Variants in PCDH11X observed in about 807,000 individuals in gnomAD.
The protein encoded by PCDH11X is protocadherin 11 X-linked, also known as protocadherin-11 X-linked.
In PCDH11X, 18 loss-of-function variants were observed where a neutral mutation model predicts 53.3. The ratio of observed to expected loss-of-function variants is 0.34; its 90% CI spans 0.23 to 0.50. PCDH11X has a LOEUF of 0.50. PCDH11X is among the 20% of genes least tolerant of loss of function. The pLI is 0.98. For missense variants in PCDH11X, 570 were observed against 1,032.4 expected (o/e 0.55, Z 6.14); for synonymous variants, 279 against 393.3 (o/e 0.71, Z 3.44).
chrX:92,611,421 T>G (rs2148816935), intron 10 of PCDH11X, among the ~76,000 whole-genome samples: 1 of 110,274 alleles, frequency 9.1e-6, no homozygotes, highest in East Asian at 2.8e-4. Flanking sequence ...TTCTACTGAT[T>G]TTTGCACATT....
intron 10 of PCDH11X, among the ~76,000 whole-genome samples, chrX:92,584,277 C>T (rs866186558): frequency 9.0e-6 from 1 of 110,609 alleles, no homozygotes; most frequent in Middle Eastern, 5.4e-3. Flanking sequence ...TTATGAATTT[C>T]TCAACAATAT....
chrX:91,822,171 G>A (rs1216567431), intron 4 of PCDH11X, among the ~76,000 whole-genome samples: 4 of 110,296 alleles, frequency 3.6e-5, no homozygotes, highest in Non-Finnish European at 1.9e-5. Context: ...TTTGGTATCA[G>A]AATGATGCTG....
chrX:92,263,141 A>G lies in PCDH11X; in HGVS notation c.3142A>G (p.Lys1048Glu), dbSNP rs1272670502. 1.7e-6 allele frequency: 2 copies of G among 1,180,355 alleles called. No homozygotes were observed. The highest frequency in any genetic ancestry group is 4.6e-5 in the Admixed American group (2 of 43,048). The change falls in exon 8 of 11, where the codon AAG (lysine) becomes GAG (glutamate). Residue 1048 changes from lysine (K) to glutamate (E), a missense_variant and splice_region_variant. Around this residue, in one of 6 missense-constraint regions of PCDH11X, gnomAD observed 234 missense variants for 296.1 expected, o/e 0.79. Coordinates refer to ENST00000682573, the MANE Select transcript of PCDH11X (RefSeq NM_032968.5). ...GAAATCTGAAGGGAAAGTGGCAGGA[A>G]AGGTAAGACTGCAAATTTCAAAGAA... ...QRKSEGKVAG[K>E]SQRRVTFHLP...
intron 6 of PCDH11X, among the ~76,000 whole-genome samples, chrX:91,956,535 A>T (rs1057181210): frequency 1.8e-5 from 2 of 108,222 alleles, no homozygotes; most frequent in African/African-American, 6.7e-5. Context: ...CAGATACAAA[A>T]TTCTGGGTTG....
chrX:92,201,327 A>G, intron 6 of PCDH11X, 48 bp from the exon 7 acceptor site: 1 of 1,169,377 alleles, frequency 8.6e-7, no homozygotes, highest in Non-Finnish European at 1.2e-6. Flanking sequence ...TGTGTATTTT[A>G]CTTTTAACAA....
In PCDH11X at chrX:92,521,178, C is replaced by T. The variant is rs182013927; in HGVS notation, c.3367+52856C>T. ...CAAATAATTTTCAATTTATTTTACA[C>T]AGATGTATCAGAGGAATCACAATTT... On this transcript the variant is annotated intron_variant, in intron 10 of 10. Coordinates refer to ENST00000682573, the MANE Select transcript of PCDH11X (RefSeq NM_032968.5). 2.5e-4 allele frequency among the ~76,000 whole-genome samples: 28 copies of T among 111,906 alleles called. 1 individual carries two copies. The highest frequency in any genetic ancestry group is 9.1e-4 in the African/African-American group (28 of 30,885).
Position 92,578,758 on chromosome X carries a change from A to G in PCDH11X, c.3368-39506A>G, listed in dbSNP as rs376973304. 2.8e-5 allele frequency among the ~76,000 whole-genome samples: 3 copies of G among 106,572 alleles called. No homozygotes were observed. The East Asian group carries it at 9.0e-4, about 32-fold the overall frequency. 92.5% of individuals were successfully genotyped at this position (106,572 alleles called of 115,157 possible). On this transcript the variant is annotated intron_variant, in intron 10 of 10. Coordinates refer to ENST00000682573, the MANE Select transcript of PCDH11X (RefSeq NM_032968.5). ...TAGCCCATTTACATTTAAGTTTAATATGGTTATGTATGAATTGGATCCTGT... is the reference window on the plus strand; with the variant it reads ...TAGCCCATTTACATTTAAGTTTAATGTGGTTATGTATGAATTGGATCCTGT...
chrX:91,807,876 A>G (rs983447844), intron 1 of PCDH11X, among the ~76,000 whole-genome samples: 2 of 108,756 alleles, frequency 1.8e-5, no homozygotes, highest in African/African-American at 6.7e-5. Flanking sequence ...CTTATCTGTT[A>G]GCTCTGTCGA....
chrX:91,914,026 C>A (rs1016981528), intron 6 of PCDH11X, among the ~76,000 whole-genome samples: 1 of 111,826 alleles, frequency 8.9e-6, no homozygotes, highest in Admixed American at 9.5e-5. Flanking sequence ...TCTACCAGAG[C>A]AGGTGCTGGT....
At chrX:92,204,727 G>A (rs1035058219) in intron 7 of PCDH11X, among the ~76,000 whole-genome samples, 6 of 111,919 alleles carry the variant, frequency 5.4e-5, no homozygotes, top group African/African-American at 2.0e-4. Flanking sequence ...ACCAATTTAC[G>A]GTATTAGTCC....
At chrX:92,161,538 C>A (rs2065643081) in intron 6 of PCDH11X, among the ~76,000 whole-genome samples, 1 of 110,209 alleles carries the variant, frequency 9.1e-6, no homozygotes, top group Admixed American at 9.8e-5. Flanking sequence ...GTTCTTTGAG[C>A]TTTTTGTATT....
intron 5 of PCDH11X, among the ~76,000 whole-genome samples, chrX:91,875,561 A>G (rs187086952): frequency 5.7e-4 from 62 of 109,515 alleles, no homozygotes; most frequent in African/African-American, 1.7e-3. Flanking sequence ...AAAGTGCTGG[A>G]ATTACAGGCG....
intron 8 of PCDH11X, among the ~76,000 whole-genome samples, chrX:92,342,960 C>T (rs1414010911): frequency 8.9e-6 from 1 of 112,046 alleles, no homozygotes; most frequent in Non-Finnish European, 1.9e-5. Flanking sequence ...TTGTGCTCTC[C>T]AATTGCTAAT....
At chrX:92,216,145 C>T (rs1251306622) in intron 7 of PCDH11X, among the ~76,000 whole-genome samples, 4 of 109,053 alleles carry the variant, frequency 3.7e-5, no homozygotes, top group East Asian at 2.9e-4. Context: ...AAAAGCAGAG[C>T]ACCTCTCCTC....
intron 8 of PCDH11X, among the ~76,000 whole-genome samples, chrX:92,372,721 C>G (rs1391105813): frequency 9.0e-6 from 1 of 110,678 alleles, no homozygotes; most frequent in Non-Finnish European, 1.9e-5. Flanking sequence ...TAATAATTAG[C>G]TTATCAATTG....
Position 91,899,732 on chromosome X carries a change from T to C in PCDH11X, c.3033+20459T>C, listed in dbSNP as rs1940885592. On this transcript the variant is annotated intron_variant, in intron 6 of 10. Transcript: ENST00000682573. Reference sequence around the variant, plus strand: ...GCTGATATGAAATCAATGACTCTTATGTCACATGATAAAGAAAAAAGAAAG... The same window carrying C: ...GCTGATATGAAATCAATGACTCTTACGTCACATGATAAAGAAAAAAGAAAG... 2.7e-5 allele frequency among the ~76,000 whole-genome samples: 3 copies of C among 111,286 alleles called. No homozygotes were observed. In the South Asian group the frequency reaches 1.2e-3, roughly 43 times the overall value.
chrX:92,070,453 T>A (rs2063683215), intron 6 of PCDH11X, among the ~76,000 whole-genome samples: 1 of 112,125 alleles, frequency 8.9e-6, no homozygotes, highest in Non-Finnish European at 1.9e-5. Flanking sequence ...GGAATAAAAA[T>A]TTTATTTCCT....
intron 10 of PCDH11X, among the ~76,000 whole-genome samples, chrX:92,540,843 T>C (rs1157341621): frequency 2.8e-5 from 3 of 108,159 alleles, no homozygotes; most frequent in Non-Finnish European, 3.8e-5. Context: ...ATTCTAGATA[T>C]GTCATCTGTG....
intron 6 of PCDH11X, among the ~76,000 whole-genome samples, chrX:92,147,960 TTTCCCTTCCTTC>T (rs1569388620): frequency 6.8e-5 from 6 of 88,570 alleles, no homozygotes; most frequent in African/African-American, 3.1e-4. Flanking sequence ...CCTTTCCTTC[TTTCCCTTCCTTC>T]CTTCCTTCCT....
Sources: gnomAD v4.1 joint callset for allele counts (sites outside exome capture counted in the v4.1 genomes callset) on GRCh38, gnomAD v4.1.1 for gene constraint, gnomAD v4.1.1 regional missense constraint, MANE v1.5 for transcripts, NCBI Gene and HGNC (gene_info 2026-07-23, HGNC 2026-07-21) for gene names.